The following DOCK7 variants were observed in gnomAD, a reference collection of about 807,000 sequenced individuals.
DOCK7 encodes the protein dedicator of cytokinesis 7.
A neutral mutation model predicts 271.0 loss-of-function variants in DOCK7; 138 were observed. The ratio of observed to expected loss-of-function variants is 0.51; its 90% CI spans 0.44 to 0.59. DOCK7 has a LOEUF of 0.59. Ranked by LOEUF, DOCK7 falls within the 20% of genes least tolerant of loss-of-function variation. DOCK7 has a pLI of 0.00. For missense variants in DOCK7, 2,066 were observed against 2,592.4 expected, an observed-to-expected ratio of 0.80 and a Z score of 4.41; for synonymous variants, 823 against 876.1, an observed-to-expected ratio of 0.94 and a Z score of 1.07.
chr1:62,535,750 C>T, intron 28 of DOCK7, 118 bp from the exon 29 acceptor site: 1 of 943,786 alleles, frequency 1.1e-6, no homozygotes, highest in Non-Finnish European at 1.4e-6. Context: ...ATATTACTAA[C>T]ACTGAAGACA....
At chr1:62,503,623 T>C (rs918934098) in intron 37 of DOCK7, among the ~76,000 whole-genome samples, 1 of 151,996 alleles carries the variant, frequency 6.6e-6, no homozygotes, top group South Asian at 2.1e-4. Context: ...TATTTTTTTG[T>C]AGAGATAGGG....
chr1:62,600,346 A>G (rs1649925023), intron 14 of DOCK7, among the ~76,000 whole-genome samples: 1 of 151,862 alleles, frequency 6.6e-6, no homozygotes, highest in South Asian at 2.1e-4. Flanking sequence ...ACTTAGTAGA[A>G]AAGAGTAATA....
chr1:62,514,025 A>C (rs996518465), intron 31 of DOCK7, 127 bp from the exon 32 acceptor site: 1 of 793,938 alleles, frequency 1.3e-6, no homozygotes, highest in African/African-American at 1.8e-5. Context: ...ATTAAAAACC[A>C]TTTGATTCAG....
At chr1:62,553,312 TTATATATATA>T (rs1370176103) in intron 21 of DOCK7, among the ~76,000 whole-genome samples, 31 of 20,572 alleles carry the variant, frequency 1.5e-3, no homozygotes, top group African/African-American at 4.8e-3. Context: ...AAAAAGTATT[TTATATATATA>T]TATATATATA....
At chr1:62,594,200 T>C (rs938372207) in intron 14 of DOCK7, among the ~76,000 whole-genome samples, 1 of 152,144 alleles carries the variant, frequency 6.6e-6, no homozygotes, top group Non-Finnish European at 1.5e-5. Flanking sequence ...AAAGATCAGA[T>C]TCTGCTTTTA....
chr1:62,681,020 C>T (rs1241977771), intron 1 of DOCK7, among the ~76,000 whole-genome samples: 1 of 152,166 alleles, frequency 6.6e-6, no homozygotes, highest in Non-Finnish European at 1.5e-5. Flanking sequence ...TTTGACCCAG[C>T]CATCCCATTA....
In DOCK7 at chr1:62,505,774, C is replaced by T; in HGVS notation, c.4519G>A (p.Val1507Met). 6.2e-7 allele frequency: 1 copy of T among 1,613,358 alleles called. No individual in the cohort carries two copies. Among genetic ancestry groups the T allele is most frequent in the Non-Finnish European group, 8.5e-7 (1 of 1,179,654 alleles). Residue 1507 changes from valine (V) to methionine (M), a missense_variant, in exon 36 of 50, where the codon GTG becomes ATG. By Grantham distance (21) the Val-to-Met change is conservative. Around this residue, in one of 2 missense-constraint regions of DOCK7, gnomAD observed 652 missense variants for 922.1 expected, o/e 0.71. Transcript: ENST00000635253. ...ATGCTGTGTAGTAGCACTTTTAGCA[C>T]TCCACCAAGAATGCTCTCTTTGGAT... is the stretch of plus-strand genomic sequence containing the variant. ...TESKESILGGVLKVLLHSMAC... is the reference protein window; with the variant it reads ...TESKESILGGMLKVLLHSMAC...
In DOCK7 at chr1:62,528,306, C is replaced by T; in HGVS notation, c.3782-1G>A. On this transcript the variant is annotated splice_acceptor_variant, in intron 30 of 49. Transcript: ENST00000635253. LOFTEE classifies it high-confidence loss of function. ...GGTCTTCCTCGTTGATTGTGAGTTT[C>T]TAAAGAAAAATAATCCAAAAAAATA... is the stretch of plus-strand genomic sequence containing the variant. The T allele has an allele frequency of 6.2e-7, 1 of 1,606,236 alleles. No homozygotes were observed. Among genetic ancestry groups the T allele is most frequent in the Non-Finnish European group, 8.5e-7 (1 of 1,176,480 alleles).
intron 1 of DOCK7, among the ~76,000 whole-genome samples, chr1:62,666,928 T>C (rs1354128336): frequency 1.3e-5 from 2 of 152,218 alleles, no homozygotes; most frequent in African/African-American, 4.8e-5. Context: ...ACTCTCTCCA[T>C]TCCTACAAGC....
At chr1:62,676,618 G>C (rs1660573693) in intron 1 of DOCK7, among the ~76,000 whole-genome samples, 1 of 152,160 alleles carries the variant, frequency 6.6e-6, no homozygotes, top group Non-Finnish European at 1.5e-5. Context: ...ATTTGTAAGA[G>C]AAAGAATGAT....
chr1:62,476,255 G>T, intron 44 of DOCK7, 99 bp from the exon 45 acceptor site: 1 of 767,194 alleles, frequency 1.3e-6, no homozygotes, highest in Non-Finnish European at 2.1e-6. Context: ...GAGAATTAGT[G>T]AGTTCTGTAC....
chr1:62,588,119 A>AG (rs1647841242), intron 14 of DOCK7, among the ~76,000 whole-genome samples: 2 of 152,216 alleles, frequency 1.3e-5, no homozygotes, highest in Non-Finnish European at 2.9e-5. Flanking sequence ...ATGACTGGTC[A>AG]GCTTGCTAGT....
In DOCK7 at chr1:62,601,153, T is replaced by TC. The variant is rs1243928500; in HGVS notation, c.1683-14530dup. On this transcript the variant is annotated intron_variant, in intron 14 of 49. Transcript: ENST00000635253. ...CCAAGCCAAGAGCACCAAGAACTAC[T>TC]CCCTTTCTTCAGTTGAATGAAATAA... is the stretch of plus-strand genomic sequence containing the variant. The TC allele has an allele frequency of 2.5e-6, 4 of 1,610,602 alleles. No individual in the cohort carries two copies. In the African/African-American group the frequency reaches 5.4e-5, roughly 22 times the overall value.
chr1:62,541,573 A>T (rs1645533420), intron 25 of DOCK7, among the ~76,000 whole-genome samples: 2 of 152,312 alleles, frequency 1.3e-5, no homozygotes, highest in South Asian at 4.1e-4. Flanking sequence ...ATATATTTTA[A>T]CTTCCTTATA....
rs761773341 is a variant in DOCK7 at position 62,488,978 on chromosome 1, T to C, written c.5449A>G (p.Ile1817Val). ...ANRDAKKLST[I>V]HGKLQEAFSK... ...AATGCTTCTTGAAGTTTACCATGAATTGTGGATAGTTTCTTTGCATCCCGA... is the reference window on the plus strand; with the variant it reads ...AATGCTTCTTGAAGTTTACCATGAACTGTGGATAGTTTCTTTGCATCCCGA... The change falls in exon 42 of 50, where the codon ATT (isoleucine) becomes GTT (valine). Residue 1817 changes from isoleucine (I) to valine (V), a missense_variant. This residue lies in a region of DOCK7 where 652 missense variants were observed against 922.1 expected (regional missense o/e 0.71). Transcript: ENST00000635253. The C allele has an allele frequency of 5.6e-6, 9 of 1,613,604 alleles. No individual in the cohort carries two copies. Among genetic ancestry groups the C allele is most frequent in the Middle Eastern group, 1.6e-4 (1 of 6,074 alleles).
intron 14 of DOCK7, among the ~76,000 whole-genome samples, chr1:62,593,309 C>T (rs1490195675): frequency 1.3e-5 from 2 of 152,144 alleles, no homozygotes; most frequent in African/African-American, 4.8e-5. Flanking sequence ...GTGGCTCACG[C>T]TTGTAATCCC....
In DOCK7 at chr1:62,513,703, A is replaced by T. The variant is rs1238221423; in HGVS notation, c.4119+13T>A. ...CCTTTCTTGTTCTTTGCAATGGTAC[A>T]ATGACCACTTACTTTATACTCAAAG... is the stretch of plus-strand genomic sequence containing the variant. On this transcript the variant is annotated intron_variant, in intron 32 of 49. Transcript: ENST00000635253. 1 of 1,612,820 alleles carries T rather than the reference A, an allele frequency of 6.2e-7. No individual in the cohort carries two copies. Among genetic ancestry groups the T allele is most frequent in the Non-Finnish European group, 8.5e-7 (1 of 1,179,606 alleles).
chr1:62,527,021 C>A (rs1192854630), intron 31 of DOCK7, among the ~76,000 whole-genome samples: 1 of 152,034 alleles, frequency 6.6e-6, no homozygotes, highest in African/African-American at 2.4e-5. Flanking sequence ...ATACTAAAAA[C>A]CATTAAGGTA....
intron 14 of DOCK7, among the ~76,000 whole-genome samples, chr1:62,596,580 A>G (rs1397455894): frequency 6.6e-6 from 1 of 152,162 alleles, no homozygotes; most frequent in Non-Finnish European, 1.5e-5. Context: ...AGGCCAAGGT[A>G]AAAGAATTGC....
Sources: allele counts gnomAD v4.1 joint callset (sites outside exome capture counted in the v4.1 genomes callset), GRCh38; gene constraint gnomAD v4.1.1; regional missense constraint gnomAD v4.1.1; transcripts MANE v1.5; gene names NCBI Gene and HGNC (gene_info 2026-07-23, HGNC 2026-07-21).